Variants in LGSN observed in about 807,000 individuals in gnomAD.
LGSN encodes the protein lengsin.
LGSN carries 21 observed loss-of-function variants against 19.5 expected under a neutral mutation model. The ratio of observed to expected loss-of-function variants is 1.07; its 90% confidence interval spans 0.76 to 1.55. LGSN has a LOEUF of 1.55. Among genes scored for constraint, LGSN ranks in the 40% most tolerant of loss-of-function variants. The pLI is 0.00. For missense variants in LGSN, 673 were observed against 608.5 expected (o/e 1.11, Z -1.12); for synonymous variants, 257 against 215.6 (o/e 1.19, Z -1.68).
chr6:63,344,742 A>G, the LGSN span, among the ~76,000 whole-genome samples: 4 of 152,168 alleles, frequency 2.6e-5, no homozygotes, highest in Non-Finnish European at 4.4e-5. Flanking sequence ...ACAAGTAAAT[A>G]GAAAAGAAAA....
intron 3 of LGSN, among the ~76,000 whole-genome samples, 166 bp from the exon 4 acceptor site, chr6:63,281,386 G>A (rs1475033856): frequency 7.0e-6 from 1 of 141,874 alleles, no homozygotes; most frequent in African/African-American, 2.6e-5. Context: ...CTTGATATCA[G>A]ATAAATGTTA....
chr6:63,412,415 G>GC, the LGSN span, among the ~76,000 whole-genome samples: 1 of 107,770 alleles, frequency 9.3e-6, no homozygotes, highest in African/African-American at 4.6e-5. Context: ...AAGAAAGAAA[G>GC]AAGAAAGAAA....
At chr6:63,460,983 G>A in the LGSN span, among the ~76,000 whole-genome samples, 6 of 152,166 alleles carry the variant, frequency 3.9e-5, no homozygotes, top group African/African-American at 9.7e-5. Context: ...GGGGCCAAGC[G>A]TCCCTCAGGA....
At chr6:63,375,174 T>G in the LGSN span, among the ~76,000 whole-genome samples, 1 of 152,134 alleles carries the variant, frequency 6.6e-6, no homozygotes, top group South Asian at 2.1e-4. Flanking sequence ...GACTGAGAGA[T>G]ACAAATTCTA....
At chr6:63,494,149 C>T in the LGSN span, among the ~76,000 whole-genome samples, 1 of 151,870 alleles carries the variant, frequency 6.6e-6, no homozygotes, top group Non-Finnish European at 1.5e-5. Flanking sequence ...GAGGTTTCAC[C>T]ATGTTGGCCA....
At chr6:63,297,412 T>G (rs187015929) in intron 1 of LGSN, among the ~76,000 whole-genome samples, 1 of 147,420 alleles carries the variant, frequency 6.8e-6, no homozygotes, top group Non-Finnish European at 1.5e-5. Flanking sequence ...TTTTACTCCA[T>G]AAAAATGCTC....
the LGSN span, among the ~76,000 whole-genome samples, chr6:63,544,534 G>A: frequency 6.6e-6 from 1 of 152,004 alleles, no homozygotes; most frequent in Non-Finnish European, 1.5e-5. Context: ...TCTAGTTGTC[G>A]AAGTAACATC....
At chr6:63,433,322 C>T in the LGSN span, among the ~76,000 whole-genome samples, 1 of 152,236 alleles carries the variant, frequency 6.6e-6, no homozygotes, top group South Asian at 2.1e-4. Context: ...TGAATTAACT[C>T]ATTTATTTCT....
At chr6:63,517,458 T>G in the LGSN span, among the ~76,000 whole-genome samples, 1 of 152,084 alleles carries the variant, frequency 6.6e-6, no homozygotes, top group Admixed American at 6.6e-5. Flanking sequence ...AAATGGAAAA[T>G]AAAGGTATGC....
chr6:63,414,439 G>A, the LGSN span, among the ~76,000 whole-genome samples: 3 of 152,190 alleles, frequency 2.0e-5, no homozygotes, highest in Admixed American at 2.0e-4. Flanking sequence ...ATTCTTAAGA[G>A]AGTAGATATG....
the LGSN span, among the ~76,000 whole-genome samples, chr6:63,414,192 G>A: frequency 6.6e-6 from 1 of 152,072 alleles, no homozygotes. Flanking sequence ...TAAATGGGCT[G>A]CTGGGTATAA....
intron 2 of LGSN, among the ~76,000 whole-genome samples, chr6:63,289,124 T>C (rs1166297913): frequency 1.3e-5 from 2 of 152,222 alleles, no homozygotes; most frequent in Non-Finnish European, 2.9e-5. Flanking sequence ...TCTTGGTACT[T>C]GTAGCAGTAT....
At chr6:63,287,213 T>C (rs935011186) in intron 2 of LGSN, among the ~76,000 whole-genome samples, 1 of 152,236 alleles carries the variant, frequency 6.6e-6, no homozygotes, top group African/African-American at 2.4e-5. Context: ...CACTGATACA[T>C]TTGGCTACTC....
chr6:63,489,325 A>G, the LGSN span, among the ~76,000 whole-genome samples: 1 of 152,140 alleles, frequency 6.6e-6, no homozygotes. Context: ...CTGGAATAAG[A>G]TTTCCTTTTA....
the LGSN span, among the ~76,000 whole-genome samples, chr6:63,338,612 A>G: frequency 6.6e-6 from 1 of 152,038 alleles, no homozygotes; most frequent in Admixed American, 6.6e-5. Context: ...AGTTTAGCTA[A>G]CAGTTTATTG....
At chr6:63,320,016 T>A (rs1314728659), upstream of LGSN, 6 of 1,120,416 alleles carry the variant, frequency 5.4e-6, no homozygotes, top group Non-Finnish European at 1.4e-6. Flanking sequence ...TATTTATATG[T>A]GTACCTACAA....
chr6:63,502,844 C>A, the LGSN span, among the ~76,000 whole-genome samples: 1 of 152,002 alleles, frequency 6.6e-6, no homozygotes, highest in African/African-American at 2.4e-5. Context: ...ACAGACTTAG[C>A]CAGAAAAGTT....
the LGSN span, among the ~76,000 whole-genome samples, chr6:63,435,132 G>C: frequency 6.6e-6 from 1 of 152,210 alleles, no homozygotes; most frequent in African/African-American, 2.4e-5. Context: ...ATCTGAGTCA[G>C]AGGACATTGG....
intron 2 of LGSN, among the ~76,000 whole-genome samples, chr6:63,290,040 G>T (rs1159297574): frequency 6.6e-6 from 1 of 151,572 alleles, no homozygotes; most frequent in African/African-American, 2.4e-5. Flanking sequence ...AAGTGGGAGG[G>T]AAAGGGGGCT....
Sources: gnomAD v4.1 joint callset for allele counts (sites outside exome capture counted in the v4.1 genomes callset) on GRCh38, gnomAD v4.1.1 for gene constraint, MANE v1.5 for transcripts, NCBI Gene and HGNC (gene_info 2026-07-23, HGNC 2026-07-21) for gene names.